The following ZNF23 variants were observed in gnomAD, a reference collection of about 807,000 sequenced individuals.
The protein encoded by ZNF23 is kruppel-like zinc finger factor X31.
ZNF23 carries 48 observed loss-of-function variants against 56.2 expected under a neutral mutation model. That is an observed-to-expected ratio of 0.85 (90% CI 0.68 to 1.09). The LOEUF is 1.09. ZNF23 is among the 50% of genes least tolerant of loss of function. The pLI, the probability that ZNF23 is intolerant of heterozygous loss-of-function variation, is 0.00. For synonymous variants in ZNF23, 266 were observed against 283.3 expected, an observed-to-expected ratio of 0.94 and a Z score of 0.61; for missense variants, 805 against 811.4, an observed-to-expected ratio of 0.99 and a Z score of 0.10.
intron 4 of ZNF23, 79 bp downstream of exon 4, chr16:71,453,164 A>T: frequency 1.0e-6 from 1 of 983,644 alleles, no homozygotes; most frequent in Non-Finnish European, 1.6e-6. Context: ...TAAACACAGT[A>T]TGTTTATATG....
In ZNF23 at chr16:71,448,458, G is replaced by A; in HGVS notation, c.1696C>T (p.Gln566Ter). 1.2e-6 allele frequency: 2 copies of A among 1,614,210 alleles called. No individual in the cohort carries two copies. The highest frequency in any genetic ancestry group is 1.1e-5 in the South Asian group (1 of 91,090). The change falls in exon 5 of 5, where the codon CAG (glutamine) becomes TAG (stop). Residue 566 changes from glutamine (Q) to a stop codon, truncating the protein, a stop_gained. Coordinates refer to ENST00000647773, the MANE Select transcript of ZNF23 (RefSeq NM_001381984.1). LOFTEE classifies it high-confidence loss of function. ...FSINAKLTRH[Q>*]RIHTGEKPFK... Reference sequence around the variant, plus strand: ...GGTTTCTCCCCAGTATGTATCCTCTGATGCCTAGTTAGTTTGGCATTGATA... The same window carrying A: ...GGTTTCTCCCCAGTATGTATCCTCTAATGCCTAGTTAGTTTGGCATTGATA...
chr16:71,454,266 T>C, intron 2 of ZNF23, 98 bp from the exon 3 acceptor site: 1 of 1,455,106 alleles, frequency 6.9e-7, no homozygotes, highest in African/African-American at 1.4e-5. Flanking sequence ...AGGGTGCTTG[T>C]GAGAGCACAA....
intron 1 of ZNF23, among the ~76,000 whole-genome samples, chr16:71,459,354 G>C (rs1317917892): frequency 1.3e-5 from 2 of 152,342 alleles, no homozygotes; most frequent in East Asian, 3.9e-4. Flanking sequence ...GCCCTGCAAG[G>C]CAGAGCCTGT....
Position 71,454,068 on chromosome 16 carries a change from T to C in ZNF23, c.134A>G (p.Glu45Gly). 1 of 1,614,130 alleles carries C rather than the reference T, an allele frequency of 6.2e-7. No individual in the cohort carries two copies. Among genetic ancestry groups the C allele is most frequent in the Non-Finnish European group, 8.5e-7 (1 of 1,180,006 alleles). The change falls in exon 3 of 5, where the codon GAG (glutamate) becomes GGG (glycine). Residue 45 changes from glutamate (E) to glycine (G), a missense_variant. Glu to Gly is a moderately conservative substitution (Grantham distance 98, BLOSUM62 -2). Coordinates refer to ENST00000647773, the MANE Select transcript of ZNF23 (RefSeq NM_001381984.1). ...QRTLYRDVMLENYGNVASLGF... is the reference protein window; with the variant it reads ...QRTLYRDVMLGNYGNVASLGF... ...CAGGGAGGCCACATTCCCATAATTCTCCAGCATCACATCCCTGTACAGGGT... is the reference window on the plus strand; with the variant it reads ...CAGGGAGGCCACATTCCCATAATTCCCCAGCATCACATCCCTGTACAGGGT...
chr16:71,449,989 C>T (rs1392655745), intron 4 of ZNF23, 104 bp from the exon 5 acceptor site: 5 of 907,002 alleles, frequency 5.5e-6, no homozygotes, highest in Admixed American at 3.3e-5. Context: ...TCCTTAAAAT[C>T]ACCAGACTAG....
chr16:71,449,518 T>G lies in ZNF23; in HGVS notation c.636A>C (p.Lys212Asn), dbSNP rs563303864. Residue 212 changes from lysine to asparagine, a missense_variant, in exon 5 of 5, where the codon AAA (lysine) becomes AAC (asparagine). By Grantham distance (94) the Lys-to-Asn change is moderately conservative. Coordinates refer to ENST00000647773, the MANE Select transcript of ZNF23 (RefSeq NM_001381984.1). ...TAAAGGGCTCTACTAATTCTTCACATTTGAAAGGTCTTTCCTCAGAATTAA... is the reference window on the plus strand; with the variant it reads ...TAAAGGGCTCTACTAATTCTTCACAGTTGAAAGGTCTTTCCTCAGAATTAA... The part of the protein sequence containing the change: ...EIINSEERPF[K>N]CEELVEPFRC... The G allele has an allele frequency of 1.2e-6, 2 of 1,614,178 alleles. No individual in the cohort carries two copies. The highest frequency in any genetic ancestry group is 1.7e-6 in the Non-Finnish European group (2 of 1,180,036).
intron 1 of ZNF23, among the ~76,000 whole-genome samples, chr16:71,459,181 T>A (rs2043347857): frequency 6.6e-6 from 1 of 152,194 alleles, no homozygotes; most frequent in South Asian, 2.1e-4. Context: ...GCTTCTCTGG[T>A]GTCCTATGTG....
At position 71,448,328 on chromosome 16, in the gene ZNF23, C is replaced by T; in HGVS notation, c.1826G>A (p.Gly609Glu). ...ATGGGCATTAACATGGAAGGCTTTT[C>T]CACACTCCTTACACTGAAAGGGTTT... Reference protein sequence around the residue: ...GEKPFQCKECGKAFHVNAHLI... With the variant: ...GEKPFQCKECEKAFHVNAHLI... Residue 609 changes from glycine (G) to glutamate (E), a missense_variant, in exon 5 of 5, where the codon GGA becomes GAA. Coordinates refer to ENST00000647773, the MANE Select transcript of ZNF23 (RefSeq NM_001381984.1). The T allele has an allele frequency of 6.2e-7, 1 of 1,614,052 alleles. No individual in the cohort carries two copies. The highest frequency in any genetic ancestry group is 8.5e-7 in the Non-Finnish European group (1 of 1,180,006).
In ZNF23 at chr16:71,448,342, C is replaced by T; in HGVS notation, c.1812G>A (p.Gln604=). 1.2e-6 allele frequency: 2 copies of T among 1,614,040 alleles called. No individual in the cohort carries two copies. The highest frequency in any genetic ancestry group is 1.1e-5 in the South Asian group (1 of 91,066). Reference sequence around the variant, plus strand: ...GGAAGGCTTTTCCACACTCCTTACACTGAAAGGGTTTCTCTCCTGTATGGA... The same window carrying T: ...GGAAGGCTTTTCCACACTCCTTACATTGAAAGGGTTTCTCTCCTGTATGGA... ...QRIHTGEKPF[Q]CKECGKAFHV... Residue 604 remains glutamine (Q), a synonymous_variant, in exon 5 of 5, where the codon CAG becomes CAA. Coordinates refer to ENST00000647773, the MANE Select transcript of ZNF23 (RefSeq NM_001381984.1).
chr16:71,456,871 C>T, intron 1 of ZNF23, 43 bp from the exon 2 acceptor site: 1 of 855,212 alleles, frequency 1.2e-6, no homozygotes, highest in South Asian at 5.3e-5. Context: ...GGCAAGCCAC[C>T]CCAACCAGAG....
intron 2 of ZNF23, among the ~76,000 whole-genome samples, chr16:71,455,130 T>C (rs2043181452): frequency 6.6e-6 from 1 of 152,228 alleles, no homozygotes; most frequent in Non-Finnish European, 1.5e-5. Context: ...GGTGTTTCTG[T>C]GAGCCTTCTT....
intron 4 of ZNF23, chr16:71,450,170 A>G (rs1348960924): frequency 4.0e-6 from 1 of 247,682 alleles, no homozygotes; most frequent in Non-Finnish European, 7.6e-6. Context: ...CTGTGTAAAG[A>G]AAAATATAAA....
chr16:71,454,822 T>C (rs1284547492), intron 2 of ZNF23, among the ~76,000 whole-genome samples: 1 of 152,204 alleles, frequency 6.6e-6, no homozygotes, highest in African/African-American at 2.4e-5. Flanking sequence ...TCCAAGAACA[T>C]TTGGGAAAGC....
intron 3 of ZNF23, 44 bp from the exon 4 acceptor site, chr16:71,453,394 C>A: frequency 7.1e-7 from 1 of 1,414,302 alleles, no homozygotes; most frequent in East Asian, 2.5e-5. Flanking sequence ...GAATAAACTC[C>A]CACAGACAAA....
At chr16:71,453,953 C>T (rs1433173902) in intron 3 of ZNF23, 89 bp downstream of exon 3, 4 of 1,451,184 alleles carry the variant, frequency 2.8e-6, no homozygotes, top group East Asian at 4.5e-5. Flanking sequence ...TAAAGGATTA[C>T]CAGAGATCCC....
In ZNF23 at chr16:71,449,742, C is replaced by CTGAG; in HGVS notation, c.408_411dup (p.Ala138LeufsTer14). 6.2e-7 allele frequency: 1 copy of CTGAG among 1,614,058 alleles called. No individual in the cohort carries two copies. The highest frequency in any genetic ancestry group is 8.5e-7 in the Non-Finnish European group (1 of 1,180,028). ...CTCTTCTCCTTCTTTATATTTCCTG[C>CTGAG]TGAGTGGACTTCCTGTTGTTTCTCT... On this transcript the variant is annotated frameshift_variant, in exon 5 of 5. Coordinates refer to ENST00000647773, the MANE Select transcript of ZNF23 (RefSeq NM_001381984.1). LOFTEE classifies it high-confidence loss of function.
chr16:71,448,992 A>G lies in ZNF23; in HGVS notation c.1162T>C (p.Phe388Leu), dbSNP rs1282477632. The G allele has an allele frequency of 1.2e-6, 2 of 1,614,042 alleles. No individual in the cohort carries two copies. The highest frequency in any genetic ancestry group is 1.7e-6 in the Non-Finnish European group (2 of 1,180,046). The change falls in exon 5 of 5, where the codon TTC (phenylalanine) becomes CTC (leucine). Residue 388 changes from phenylalanine (F) to leucine (L), a missense_variant. Phe to Leu is a conservative substitution (Grantham distance 22). Coordinates refer to ENST00000647773, the MANE Select transcript of ZNF23 (RefSeq NM_001381984.1). ...TGCCTAAGCTGGGAGCTGCACCTGA[A>G]GCCTTTTCCACATTCATTACATTCA... ...PYECNECGKGFRCSSQLRQHQ... is the reference protein window; with the variant it reads ...PYECNECGKGLRCSSQLRQHQ...
intron 3 of ZNF23, chr16:71,453,587 G>T: frequency 3.9e-6 from 2 of 511,680 alleles, no homozygotes; most frequent in South Asian, 2.6e-5. Context: ...TTGGGAACGT[G>T]TGGGAGAGCC....
At chr16:71,450,616 G>A in intron 4 of ZNF23, 1 of 404,728 alleles carries the variant, frequency 2.5e-6, no homozygotes, top group Non-Finnish European at 5.0e-6. Flanking sequence ...CTACTCGGGA[G>A]GATGAGGCAG....
Sources: allele counts gnomAD v4.1 joint callset (sites outside exome capture counted in the v4.1 genomes callset), GRCh38; gene constraint gnomAD v4.1.1; transcripts MANE v1.5; gene names NCBI Gene and HGNC (gene_info 2026-07-23, HGNC 2026-07-21).